The following SYNCRIP variants were observed in gnomAD, a reference collection of about 807,000 sequenced individuals.
SYNCRIP encodes the protein heterogeneous nuclear ribonucleoprotein Q.
In SYNCRIP, 9 loss-of-function variants were observed where a neutral mutation model predicts 68.9. The ratio of observed to expected loss-of-function variants is 0.13; its 90% CI spans 0.08 to 0.23. The LOEUF is 0.23. Among genes scored for constraint, SYNCRIP ranks in the 10% least tolerant of loss-of-function variants. The pLI is 1.00. For missense variants in SYNCRIP, 414 were observed against 770.6 expected, an observed-to-expected ratio of 0.54 and a Z score of 5.48; for synonymous variants, 258 against 254.0, an observed-to-expected ratio of 1.02 and a Z score of -0.15.
intron 4 of SYNCRIP, among the ~76,000 whole-genome samples, chr6:85,637,930 TAAC>T (rs1808646913): frequency 6.6e-6 from 1 of 152,170 alleles, no homozygotes; most frequent in South Asian, 2.1e-4. Flanking sequence ...CAGAAAAAAG[TAAC>T]AGCCAAAACG....
intron 1 of SYNCRIP, among the ~76,000 whole-genome samples, chr6:85,641,813 C>A (rs947234237): frequency 2.6e-5 from 4 of 152,166 alleles, no homozygotes; most frequent in Non-Finnish European, 4.4e-5. Context: ...TCCTCTCTCT[C>A]AAAGATAAAC....
upstream of SYNCRIP, chr6:85,642,965 C>T (rs1423484941): frequency 2.0e-5 from 3 of 152,654 alleles, no homozygotes; most frequent in East Asian, 3.9e-4. Context: ...TCCGAGCGCG[C>T]TCCCGGTGCG....
At chr6:85,612,885 T>G (rs567244634), downstream of SYNCRIP, 1 of 1,550,802 alleles carries the variant, frequency 6.4e-7, no homozygotes, top group Admixed American at 2.0e-5. Flanking sequence ...TCAGTCTTCA[T>G]TGTAACAGGT....
intron 6 of SYNCRIP, among the ~76,000 whole-genome samples, chr6:85,635,638 TA>T (rs1808347870): frequency 6.6e-6 from 1 of 151,668 alleles, no homozygotes; most frequent in Non-Finnish European, 1.5e-5. Context: ...GGTGTGGTGA[TA>T]AATGCCTGTA....
chr6:85,630,316 G>A (rs1034008110), intron 6 of SYNCRIP, among the ~76,000 whole-genome samples: 1 of 151,858 alleles, frequency 6.6e-6, no homozygotes, highest in Non-Finnish European at 1.5e-5. Context: ...AGCCGAGATC[G>A]TGCCACTGCA....
At chr6:85,622,760 C>G in intron 7 of SYNCRIP, 73 bp from the exon 8 acceptor site, 1 of 1,142,036 alleles carries the variant, frequency 8.8e-7, no homozygotes, top group Non-Finnish European at 1.3e-6. Flanking sequence ...AAGGATTTAT[C>G]TAAGATACTA....
chr6:85,616,754 T>C (rs1298229528), intron 10 of SYNCRIP, among the ~76,000 whole-genome samples: 1 of 152,214 alleles, frequency 6.6e-6, no homozygotes, highest in Non-Finnish European at 1.5e-5. Flanking sequence ...GCTGGTTTAT[T>C]GTTTTGAGGA....
chr6:85,623,059 G>C (rs772232326), intron 7 of SYNCRIP, among the ~76,000 whole-genome samples: 48 of 151,982 alleles, frequency 3.2e-4, no homozygotes, highest in African/African-American at 8.9e-4. Context: ...ATTTTTAATG[G>C]CACTTTTCTG....
intron 8 of SYNCRIP, 137 bp from the exon 9 acceptor site, chr6:85,619,554 C>G (rs1340644745): frequency 2.8e-6 from 2 of 723,770 alleles, no homozygotes; most frequent in Non-Finnish European, 4.3e-6. Flanking sequence ...AAAAAGTTTT[C>G]AACTCCTTGG....
rs764579624 is a variant in SYNCRIP, at chr6:85,618,931, T to C, written c.1167A>G (p.Glu389=). ...DERDGAVKAM[E]EMNGKDLEGE... is the part of the protein sequence containing the mutation. Reference sequence around the variant, plus strand: ...CCTCCAAGTCTTTGCCATTCATTTCTTCCATAGCCTTAAAAAATTAGATAA... The same window carrying C: ...CCTCCAAGTCTTTGCCATTCATTTCCTCCATAGCCTTAAAAAATTAGATAA... The change falls in exon 10 of 11, where the codon GAA becomes GAG. Residue 389 remains glutamate, a synonymous_variant. Coordinates refer to ENST00000369622, the MANE Select transcript of SYNCRIP (RefSeq NM_006372.5). The C allele has an allele frequency of 3.7e-6, 6 of 1,608,450 alleles. No homozygotes were observed. In the African/African-American group the frequency reaches 8.0e-5, roughly 22 times the overall value.
At chr6:85,631,645 A>T (rs1807808525) in intron 6 of SYNCRIP, among the ~76,000 whole-genome samples, 1 of 152,230 alleles carries the variant, frequency 6.6e-6, no homozygotes, top group South Asian at 2.1e-4. Flanking sequence ...TTGGCAACAG[A>T]TAGGACCTAC....
At chr6:85,625,875 T>C (rs954945471) in intron 6 of SYNCRIP, among the ~76,000 whole-genome samples, 15 of 152,176 alleles carry the variant, frequency 9.9e-5, no homozygotes, top group African/African-American at 3.6e-4. Context: ...ACAGGAGTGA[T>C]TTTGCCCCCC....
chr6:85,619,168 G>A, intron 9 of SYNCRIP, 100 bp downstream of exon 9: 2 of 1,493,118 alleles, frequency 1.3e-6, no homozygotes, highest in Non-Finnish European at 1.8e-6. Flanking sequence ...GGATTCCATG[G>A]ACTTCCAAAG....
At chr6:85,613,698 T>TA (rs1805456626), downstream of SYNCRIP, among the ~76,000 whole-genome samples, 1 of 152,214 alleles carries the variant, frequency 6.6e-6, no homozygotes, top group African/African-American at 2.4e-5. Flanking sequence ...ATTAGGTAAG[T>TA]ACAGTGATTA....
chr6:85,609,895 T>C (rs567780420), downstream of SYNCRIP: 2 of 152,056 alleles, frequency 1.3e-5, no homozygotes, highest in East Asian at 3.9e-4. Context: ...TGTCCATTCT[T>C]TGAAGCTGTC....
chr6:85,629,206 G>A (rs1807416174), intron 6 of SYNCRIP, among the ~76,000 whole-genome samples: 1 of 151,988 alleles, frequency 6.6e-6, no homozygotes, highest in Non-Finnish European at 1.5e-5. Flanking sequence ...TCACTGTGCT[G>A]CTCAAACCTC....
Position 85,619,399 on chromosome 6 carries a change from G to A in SYNCRIP, c.1027C>T (p.Arg343Cys). Residue 343 changes from arginine to cysteine, a missense_variant, in exon 9 of 11, where the codon CGC becomes TGC. Arg to Cys is a radical substitution (Grantham distance 180). Coordinates refer to ENST00000369622, the MANE Select transcript of SYNCRIP (RefSeq NM_006372.5). ...TCTGTTACAGTATTGGCAAGGTTGC[G>A]TACAAACAGCACTTTTACCTAGGGG... is the stretch of plus-strand genomic sequence containing the variant. ...VMAKVKVLFV[R>C]NLANTVTEEI... 2 of 1,612,752 alleles carry A rather than the reference G, an allele frequency of 1.2e-6. No homozygotes were observed. Among genetic ancestry groups the A allele is most frequent in the Non-Finnish European group, 1.7e-6 (2 of 1,179,784 alleles).
intron 6 of SYNCRIP, among the ~76,000 whole-genome samples, chr6:85,628,470 A>G (rs1243146429): frequency 6.6e-6 from 1 of 152,218 alleles, no homozygotes; most frequent in Non-Finnish European, 1.5e-5. Flanking sequence ...ACACAAGCAC[A>G]TGACTCAGTT....
chr6:85,643,556 C>T (rs1030352081), upstream of SYNCRIP, among the ~76,000 whole-genome samples: 6 of 150,908 alleles, frequency 4.0e-5, no homozygotes, highest in African/African-American at 1.5e-4. Context: ...GCCGGCTCAG[C>T]GTGTCCCACT....
Sources: gnomAD v4.1 joint callset for allele counts (sites outside exome capture counted in the v4.1 genomes callset) on GRCh38, gnomAD v4.1.1 for gene constraint, MANE v1.5 for transcripts, NCBI Gene and HGNC (gene_info 2026-07-23, HGNC 2026-07-21) for gene names.